The following PARP4 variants were observed in gnomAD, a reference collection of about 807,000 sequenced individuals.
PARP4 encodes the protein protein mono-ADP-ribosyltransferase PARP4.
Under a neutral mutation model 187.7 loss-of-function variants are expected in PARP4, and 120 were observed. The observed-to-expected ratio is 0.64, with a 90% confidence interval of 0.55 to 0.74. The LOEUF (loss-of-function observed/expected upper bound fraction) is 0.74. Ranked by LOEUF, PARP4 falls within the 30% of genes least tolerant of loss-of-function variation. PARP4 has a pLI of 0.00. For missense variants in PARP4, 1,836 were observed against 2,070.5 expected, an observed-to-expected ratio of 0.89 and a Z score of 2.20; for synonymous variants, 654 against 740.9, an observed-to-expected ratio of 0.88 and a Z score of 1.90.
chr13:24,431,193 G>A (rs1245538280), intron 32 of PARP4, among the ~76,000 whole-genome samples, 184 bp downstream of exon 32: 2 of 151,998 alleles, frequency 1.3e-5, no homozygotes, highest in East Asian at 1.9e-4. Context: ...CCTAATTAGT[G>A]GTAAAAATAT....
At position 24,435,243 on chromosome 13, in the gene PARP4, G is replaced by T. The variant is rs771598307; in HGVS notation, c.3898C>A (p.Pro1300Thr). 5 of 1,613,868 alleles carry T rather than the reference G, an allele frequency of 3.1e-6. No individual in the cohort carries two copies. The African/African-American group carries it at 6.7e-5, about 22-fold the overall frequency. The change falls in exon 31 of 34, where the codon CCA (proline) becomes ACA (threonine). Residue 1300 changes from proline (P) to threonine (T), a missense_variant. Physicochemically the swap from Pro to Thr is conservative, Grantham distance 38. Transcript: ENST00000381989. ...TESCKPTATE[P>T]LFKKVSPWET... The stretch of plus-strand genomic sequence containing the variant: ...CATGGACTGACTTTCTTAAATAGTG[G>T]TTCAGTTGCTGTTGGTTTACATGAC...
At chr13:24,472,846 T>C (rs1279400280) in intron 15 of PARP4, among the ~76,000 whole-genome samples, 4 of 151,590 alleles carry the variant, frequency 2.6e-5, no homozygotes, top group Non-Finnish European at 1.5e-5. Flanking sequence ...TCAGTGCAGA[T>C]AATTTAATAA....
At chr13:24,491,140 G>C (rs1488867423) in intron 9 of PARP4, among the ~76,000 whole-genome samples, 1 of 147,080 alleles carries the variant, frequency 6.8e-6, no homozygotes, top group African/African-American at 2.5e-5. Context: ...TTTTTTTTTA[G>C]ATGGAGTTTT....
At chr13:24,460,758 A>G (rs1872179205) in intron 17 of PARP4, among the ~76,000 whole-genome samples, 1 of 152,164 alleles carries the variant, frequency 6.6e-6, no homozygotes, top group African/African-American at 2.4e-5. Flanking sequence ...GTGCAGTCAC[A>G]GCTTAATGTA....
chr13:24,481,729 C>T (rs550050145), intron 12 of PARP4, among the ~76,000 whole-genome samples: 2 of 152,154 alleles, frequency 1.3e-5, no homozygotes, highest in South Asian at 4.1e-4. Flanking sequence ...TACATTTTGG[C>T]CAGGTATGCC....
At chr13:24,439,336 A>T (rs1870798123) in intron 30 of PARP4, among the ~76,000 whole-genome samples, 1 of 151,976 alleles carries the variant, frequency 6.6e-6, no homozygotes, top group African/African-American at 2.4e-5. Flanking sequence ...CAAAAAAAAA[A>T]AAAAAATCTA....
At chr13:24,457,793 A>AAAAAAAAAAG (rs1566000254) in intron 20 of PARP4, among the ~76,000 whole-genome samples, 5 of 148,514 alleles carry the variant, frequency 3.4e-5, no homozygotes, top group African/African-American at 1.2e-4. Context: ...AAAAAAAAAA[A>AAAAAAAAAAG]AAAGAAAAAA....
At chr13:24,470,369 T>C (rs1872679541) in intron 15 of PARP4, among the ~76,000 whole-genome samples, 4 of 152,154 alleles carry the variant, frequency 2.6e-5, no homozygotes, top group Admixed American at 2.6e-4. Context: ...TCGTGCCATG[T>C]TGGCTGGAAA....
chr13:24,463,536 A>C (rs1166921861), intron 17 of PARP4, among the ~76,000 whole-genome samples: 1 of 152,220 alleles, frequency 6.6e-6, no homozygotes, highest in East Asian at 1.9e-4. Flanking sequence ...ACAGAACTAA[A>C]GACAAAAGCC....
In PARP4 at chr13:24,478,262, T is replaced by A; in HGVS notation, c.1463A>T (p.Tyr488Phe). ...GCCATCTGTCTCTCCCGGGTGTGAGTACTTGATACTTGTACTACATGCGAA... is the reference window on the plus strand; with the variant it reads ...GCCATCTGTCTCTCCCGGGTGTGAGAACTTGATACTTGTACTACATGCGAA... ...FSDSLSTSIK[Y>F]SHPGETDGTR... Residue 488 changes from tyrosine to phenylalanine, a missense_variant, in exon 13 of 34, where the codon TAC becomes TTC. Tyr to Phe is a conservative substitution (Grantham distance 22, BLOSUM62 3). Transcript: ENST00000381989. The A allele has an allele frequency of 6.2e-7, 1 of 1,606,736 alleles. No individual in the cohort carries two copies. The highest frequency in any genetic ancestry group is 8.5e-7 in the Non-Finnish European group (1 of 1,175,348).
At chr13:24,447,290 A>G (rs1340333206) in intron 25 of PARP4, 104 bp from the exon 26 acceptor site, 2 of 653,594 alleles carry the variant, frequency 3.1e-6, no homozygotes, top group East Asian at 4.1e-5. Context: ...GAATTTTATA[A>G]CTCTGGTATT....
intron 23 of PARP4, 123 bp from the exon 24 acceptor site, chr13:24,452,716 T>G: frequency 1.4e-6 from 1 of 710,516 alleles, no homozygotes; most frequent in East Asian, 2.7e-5. Context: ...TTTCTTTCCC[T>G]AATTTGTGAA....
intron 12 of PARP4, among the ~76,000 whole-genome samples, chr13:24,481,467 C>A (rs938944030): frequency 7.2e-5 from 11 of 152,096 alleles, no homozygotes; most frequent in Admixed American, 4.6e-4. Context: ...CCAAGGCAGG[C>A]AGATCACCTG....
intron 23 of PARP4, 48 bp from the exon 24 acceptor site, chr13:24,452,641 C>T: frequency 1.3e-6 from 2 of 1,482,052 alleles, no homozygotes; most frequent in South Asian, 1.2e-5. Context: ...TGGATGCAGT[C>T]ACCATTTGCT....
chr13:24,505,160 G>C (rs1566023267), intron 1 of PARP4, among the ~76,000 whole-genome samples: 1 of 149,016 alleles, frequency 6.7e-6, no homozygotes, highest in Non-Finnish European at 1.5e-5. Flanking sequence ...ACACACAGAG[G>C]AGAAAGAAAG....
intron 16 of PARP4, among the ~76,000 whole-genome samples, 178 bp downstream of exon 16, chr13:24,469,716 G>A (rs550984025): frequency 7.9e-4 from 121 of 152,308 alleles, no homozygotes; most frequent in Admixed American, 4.2e-3. Flanking sequence ...CCTTCATCAC[G>A]GAGGGATGCT....
At chr13:24,423,701 A>T (rs1869876925) in intron 33 of PARP4, among the ~76,000 whole-genome samples, 1 of 151,782 alleles carries the variant, frequency 6.6e-6, no homozygotes, top group Non-Finnish European at 1.5e-5. Flanking sequence ...TTTTTCAGAC[A>T]GGGTCTCGCT....
At chr13:24,465,773 A>T (rs77596516) in intron 17 of PARP4, among the ~76,000 whole-genome samples, 1 of 28,742 alleles carries the variant, frequency 3.5e-5, no homozygotes, top group Non-Finnish European at 7.2e-5. Flanking sequence ...CCAGAACTTT[A>T]AAAAAAAAAA....
intron 15 of PARP4, among the ~76,000 whole-genome samples, chr13:24,474,157 C>G (rs987675662): frequency 1.3e-5 from 2 of 152,176 alleles, no homozygotes; most frequent in Admixed American, 1.3e-4. Flanking sequence ...AGGGCAAACA[C>G]TCTGCTGTCT....
Sources: allele counts gnomAD v4.1 joint callset (sites outside exome capture counted in the v4.1 genomes callset), GRCh38; gene constraint gnomAD v4.1.1; transcripts MANE v1.5; gene names NCBI Gene and HGNC (gene_info 2026-07-23, HGNC 2026-07-21).